Variants in WWOX observed in about 807,000 individuals in gnomAD.
WWOX encodes the protein WW domain containing oxidoreductase, also known as WW domain-containing oxidoreductase.
In WWOX, 69 loss-of-function variants were observed where a neutral mutation model predicts 46.2. That is an observed-to-expected ratio of 1.49 (90% confidence interval 1.23 to 1.82). The LOEUF is 1.82. WWOX is among the 40% of genes most tolerant of loss of function. The probability of loss-of-function intolerance (pLI) is 0.00; values close to 1 mark genes in which losing one functional copy is unlikely to be tolerated. For missense variants in WWOX, 919 were observed against 542.6 expected, an observed-to-expected ratio of 1.69 and a Z score of -6.89; for synonymous variants, 359 against 202.6, an observed-to-expected ratio of 1.77 and a Z score of -6.56.
In WWOX at chr16:78,422,818, T is replaced by TATAC. The variant is rs1156641546; in HGVS notation, c.606-2051_606-2050insTACA. Among the ~76,000 whole-genome samples the TATAC allele has an allele frequency of 1.0e-3, 124 of 120,298 alleles. 11 individuals are homozygous for TATAC. Among genetic ancestry groups the TATAC allele is most frequent in the African/African-American group, 5.6e-3 (122 of 21,854 alleles). The allele number at this position is 120,298 out of a possible 152,430, so 78.9% of individuals were successfully genotyped here. A position where few individuals can be genotyped will look rare whatever the true frequency, so the allele number is the denominator to read the frequency against. ...ACATATATATACACACACATATATA[T>TATAC]ACACACACATATATATATATACATA... On this transcript the variant is annotated intron_variant, in intron 6 of 8. Transcript: ENST00000566780.
At chr16:78,974,823 G>A (rs138721399) in intron 8 of WWOX, among the ~76,000 whole-genome samples, 13 of 152,242 alleles carry the variant, frequency 8.5e-5, no homozygotes, top group Non-Finnish European at 1.9e-4. Context: ...CACAACCTAA[G>A]CCGGGAAGCA....
At chr16:78,607,680 A>T (rs1234645637) in intron 8 of WWOX, among the ~76,000 whole-genome samples, 1 of 143,350 alleles carries the variant, frequency 7.0e-6, no homozygotes, top group African/African-American at 2.6e-5. Context: ...GAGAAGGAGG[A>T]TATAGGGGCC....
chr16:78,358,694 G>A (rs1270386461), intron 5 of WWOX, among the ~76,000 whole-genome samples: 1 of 143,574 alleles, frequency 7.0e-6, no homozygotes, highest in African/African-American at 2.6e-5. Flanking sequence ...GTGTGTGTGT[G>A]TATGTACATG....
intron 8 of WWOX, among the ~76,000 whole-genome samples, chr16:78,677,477 A>G (rs184631387): frequency 1.3e-5 from 2 of 152,312 alleles, no homozygotes; most frequent in Admixed American, 1.3e-4. Context: ...GCTTCTTTCA[A>G]AAACACAGGT....
At chr16:78,688,092 C>A (rs1296742785) in intron 8 of WWOX, among the ~76,000 whole-genome samples, 2 of 132,988 alleles carry the variant, frequency 1.5e-5, no homozygotes, top group East Asian at 3.9e-4. Context: ...ATTCACAGAC[C>A]AGGAATGGTT....
intron 8 of WWOX, among the ~76,000 whole-genome samples, chr16:78,732,625 C>G (rs982953244): frequency 1.3e-5 from 2 of 152,144 alleles, no homozygotes; most frequent in African/African-American, 4.8e-5. Flanking sequence ...ATAATCTTAG[C>G]TAAGATTTAT....
intron 8 of WWOX, among the ~76,000 whole-genome samples, chr16:78,480,933 A>T (rs560394079): frequency 2.6e-5 from 4 of 152,256 alleles, no homozygotes; most frequent in African/African-American, 7.2e-5. Context: ...CAGTGTTTGG[A>T]TATAGTTCTT....
At chr16:78,248,892 G>A (rs1281493179) in intron 5 of WWOX, among the ~76,000 whole-genome samples, 2 of 131,568 alleles carry the variant, frequency 1.5e-5, no homozygotes, top group Non-Finnish European at 3.2e-5. Flanking sequence ...TTTTGAGGCA[G>A]AGTCTTGCTC....
chr16:78,859,286 A>G (rs1328423424), intron 8 of WWOX, among the ~76,000 whole-genome samples: 1 of 151,640 alleles, frequency 6.6e-6, no homozygotes, highest in Admixed American at 6.6e-5. Context: ...GAAGGCAGGA[A>G]TGGAATTGAT....
intron 8 of WWOX, among the ~76,000 whole-genome samples, chr16:79,105,065 G>T (rs150368787): frequency 2.0e-5 from 3 of 152,136 alleles, no homozygotes; most frequent in African/African-American, 7.2e-5. Context: ...TGGAAAATGT[G>T]ATATGACAGA....
chr16:78,301,695 A>G (rs2080044201), intron 5 of WWOX, among the ~76,000 whole-genome samples: 1 of 152,150 alleles, frequency 6.6e-6, no homozygotes, highest in Non-Finnish European at 1.5e-5. Flanking sequence ...TTTGCCTGTG[A>G]TTAGAGTCTA....
At chr16:78,971,914 G>A (rs1567449453) in intron 8 of WWOX, among the ~76,000 whole-genome samples, 1 of 152,188 alleles carries the variant, frequency 6.6e-6, no homozygotes, top group Non-Finnish European at 1.5e-5. Context: ...AGACCTTGCA[G>A]GCTCTTTATG....
intron 8 of WWOX, among the ~76,000 whole-genome samples, chr16:78,859,085 CA>C (rs2052655562): frequency 9.6e-6 from 1 of 104,228 alleles, no homozygotes; most frequent in Non-Finnish European, 1.9e-5. Context: ...AAAAAAAGGA[CA>C]AACGATTTCA....
intron 8 of WWOX, among the ~76,000 whole-genome samples, chr16:78,726,096 C>CCTCCCTCCCTCCCTCT (rs2142368280): frequency 7.7e-6 from 1 of 129,146 alleles, no homozygotes; most frequent in South Asian, 3.2e-4. Context: ...TTCCTCCCTC[C>CCTCCCTCCCTCCCTCT]CTCCCTCCCT....
chr16:78,337,231 G>A (rs1281257151), intron 5 of WWOX, among the ~76,000 whole-genome samples: 1 of 152,090 alleles, frequency 6.6e-6, no homozygotes, highest in East Asian at 1.9e-4. Context: ...ACCAAGAGTG[G>A]GTAGGAATCC....
At chr16:78,882,774 C>G (rs1269246931) in intron 8 of WWOX, among the ~76,000 whole-genome samples, 1 of 151,860 alleles carries the variant, frequency 6.6e-6, no homozygotes, top group African/African-American at 2.4e-5. Flanking sequence ...CAGGCATGAG[C>G]CACCGCACCC....
intron 8 of WWOX, among the ~76,000 whole-genome samples, chr16:78,681,593 G>C (rs2047730910): frequency 6.6e-6 from 1 of 151,928 alleles, no homozygotes; most frequent in Non-Finnish European, 1.5e-5. Context: ...GCAATACAGG[G>C]CTCTGCCCAT....
intron 8 of WWOX, among the ~76,000 whole-genome samples, chr16:78,659,822 C>T (rs968707253): frequency 6.6e-5 from 10 of 152,286 alleles, no homozygotes; most frequent in African/African-American, 2.2e-4. Flanking sequence ...GTCACTCTTA[C>T]TTAAACACAC....
chr16:78,982,287 T>A (rs1296417672), intron 8 of WWOX, among the ~76,000 whole-genome samples: 2 of 152,220 alleles, frequency 1.3e-5, no homozygotes, highest in East Asian at 3.8e-4. Context: ...TCACTTTGAC[T>A]TTGAAAGCGT....
Sources: gnomAD v4.1 joint callset for allele counts (sites outside exome capture counted in the v4.1 genomes callset) on GRCh38, gnomAD v4.1.1 for gene constraint, MANE v1.5 for transcripts, NCBI Gene and HGNC (gene_info 2026-07-23, HGNC 2026-07-21) for gene names.